Variants in GSKIP observed in about 807,000 individuals in gnomAD.
The protein encoded by GSKIP is GSK3B interacting protein.
GSKIP carries 5 observed loss-of-function variants against 11.9 expected under a neutral mutation model. The ratio of observed to expected loss-of-function variants is 0.42; its 90% CI spans 0.22 to 0.89. GSKIP has a LOEUF of 0.89. GSKIP is among the 40% of genes least tolerant of loss of function. The pLI is 0.29. For synonymous variants in GSKIP, 70 were observed against 62.9 expected (o/e 1.11, Z -0.54); for missense variants, 150 against 166.6 (o/e 0.90, Z 0.55).
rs574565886 is a variant in GSKIP at position 96,366,541 on chromosome 14, C to T, written c.-103+2973C>T. On this transcript the variant is annotated intron_variant, in intron 1 of 3. Transcript: ENST00000555181. ...TCACAGTGCCATTTTTGTGTTTTGT[C>T]AAAGACAAAGTACCTGTCACAAAAT... 3.9e-3 allele frequency among the ~76,000 whole-genome samples: 591 copies of T among 151,984 alleles called. 7 individuals carry two copies. Among genetic ancestry groups the T allele is most frequent in the African/African-American group, 0.013 (546 of 41,356 alleles).
chr14:96,369,058 T>C (rs903326902), intron 1 of GSKIP, among the ~76,000 whole-genome samples: 1 of 152,152 alleles, frequency 6.6e-6, no homozygotes, highest in African/African-American at 2.4e-5. Context: ...CAGATGGAAA[T>C]GAGGATCTTA....
chr14:96,384,047 G>A (rs1889420396), intron 3 of GSKIP, among the ~76,000 whole-genome samples: 1 of 151,936 alleles, frequency 6.6e-6, no homozygotes, highest in Non-Finnish European at 1.5e-5. Context: ...TCTATAACTT[G>A]GAGATTTAAA....
chr14:96,372,737 A>G (rs995280881), intron 1 of GSKIP, among the ~76,000 whole-genome samples: 2 of 152,206 alleles, frequency 1.3e-5, no homozygotes, highest in South Asian at 2.1e-4. Context: ...ATCCAGGTAA[A>G]GCCTGATGGT....
At chr14:96,367,902 A>G (rs1888936634) in intron 1 of GSKIP, among the ~76,000 whole-genome samples, 1 of 152,214 alleles carries the variant, frequency 6.6e-6, no homozygotes, top group Non-Finnish European at 1.5e-5. Flanking sequence ...CTAGAAACAG[A>G]ATATTGCTCA....
At chr14:96,379,444 A>G (rs1002662314) in intron 1 of GSKIP, among the ~76,000 whole-genome samples, 1 of 152,208 alleles carries the variant, frequency 6.6e-6, no homozygotes, top group Non-Finnish European at 1.5e-5. Flanking sequence ...GCCCTTGGAA[A>G]ATATGGGTGG....
At chr14:96,363,769 C>T (rs1025707251) in intron 1 of GSKIP, 3 of 152,364 alleles carry the variant, frequency 2.0e-5, no homozygotes, top group Admixed American at 1.3e-4. Context: ...GCCTGGCTCT[C>T]CCGGCTCCCC....
At chr14:96,382,649 C>A in intron 3 of GSKIP, 144 bp downstream of exon 3, 1 of 491,028 alleles carries the variant, frequency 2.0e-6, no homozygotes, top group South Asian at 5.6e-5. Flanking sequence ...AACTTTTAAC[C>A]TAGAAATTTT....
At chr14:96,366,382 T>A (rs1336122654) in intron 1 of GSKIP, among the ~76,000 whole-genome samples, 4 of 152,252 alleles carry the variant, frequency 2.6e-5, no homozygotes, top group Non-Finnish European at 1.5e-5. Flanking sequence ...CAATAACAAA[T>A]ATGCTCTATT....
intron 1 of GSKIP, 89 bp downstream of exon 1, chr14:96,363,657 G>A (rs1888765946): frequency 2.6e-5 from 4 of 152,262 alleles, no homozygotes; most frequent in Admixed American, 1.3e-4. Flanking sequence ...CAGGCCTTCC[G>A]GATGGGGACG....
Position 96,366,119 on chromosome 14 carries a change from T to C in GSKIP, c.-103+2551T>C, listed in dbSNP as rs112583925. Among the ~76,000 whole-genome samples, 749 of 152,114 alleles carry C rather than the reference T, an allele frequency of 4.9e-3. 10 individuals are homozygous for C. The highest frequency in any genetic ancestry group is 0.017 in the African/African-American group (718 of 41,544). On this transcript the variant is annotated intron_variant, in intron 1 of 3. Transcript: ENST00000555181. ...TTTGAAGATAAGACATGTTTGTAAA[T>C]AATAATTCTAATATTTGCCATAAAA...
At chr14:96,380,754 C>G (rs944739723) in intron 2 of GSKIP, among the ~76,000 whole-genome samples, 1 of 152,198 alleles carries the variant, frequency 6.6e-6, no homozygotes, top group Admixed American at 6.5e-5. Flanking sequence ...CTCAACTACT[C>G]AGGCGGCTGA....
chr14:96,363,845 C>A (rs1888777785), intron 1 of GSKIP: 1 of 152,446 alleles, frequency 6.6e-6, no homozygotes, highest in Non-Finnish European at 1.5e-5. Context: ...GGACTGGAGC[C>A]CTTCTCGAGC....
At chr14:96,371,779 C>T (rs1889056050) in intron 1 of GSKIP, among the ~76,000 whole-genome samples, 1 of 152,092 alleles carries the variant, frequency 6.6e-6, no homozygotes, top group African/African-American at 2.4e-5. Flanking sequence ...TAACAAAGAG[C>T]AATAGCATAA....
At chr14:96,384,810 C>T (rs547560514) in intron 3 of GSKIP, 1 of 151,922 alleles carries the variant, frequency 6.6e-6, no homozygotes, top group East Asian at 1.9e-4. Flanking sequence ...AAATAGTGTA[C>T]CCCTACCAAG....
chr14:96,370,690 CTG>C (rs1440999818), intron 1 of GSKIP, among the ~76,000 whole-genome samples: 1 of 152,220 alleles, frequency 6.6e-6, no homozygotes, highest in Non-Finnish European at 1.5e-5. Flanking sequence ...CCCTTTCTGA[CTG>C]TGTGATCTTC....
chr14:96,368,882 C>T (rs928538662), intron 1 of GSKIP, among the ~76,000 whole-genome samples: 16 of 152,078 alleles, frequency 1.1e-4, no homozygotes, highest in South Asian at 2.1e-4. Context: ...CTTGAAAATG[C>T]GGAAGCAGCT....
chr14:96,365,708 C>G (rs1888862065), intron 1 of GSKIP, among the ~76,000 whole-genome samples: 1 of 151,952 alleles, frequency 6.6e-6, no homozygotes, highest in South Asian at 2.1e-4. Flanking sequence ...ATGGCGTGCA[C>G]CTGTAATCCC....
rs144978677 is a variant in GSKIP, at chr14:96,369,956, A to G, written c.-103+6388A>G. ...TTGACTCCAACTCATGAGAGCAGCC[A>G]CATGAGCTGTACCCAGCAGAGTCAT... is the stretch of plus-strand genomic sequence containing the variant. On this transcript the variant is annotated intron_variant, in intron 1 of 3. Coordinates refer to ENST00000555181, the MANE Select transcript of GSKIP (RefSeq NM_016472.5). Among the ~76,000 whole-genome samples the G allele has an allele frequency of 4.7e-3, 711 of 152,318 alleles. 8 individuals are homozygous for G. Among genetic ancestry groups the G allele is most frequent in the African/African-American group, 0.017 (692 of 41,564 alleles).
intron 2 of GSKIP, chr14:96,380,265 T>C (rs1889310995): frequency 6.6e-6 from 1 of 152,218 alleles, no homozygotes; most frequent in African/African-American, 2.4e-5. Context: ...TGAAATAGGA[T>C]TGGAGGAATA....
Sources: gnomAD v4.1 joint callset for allele counts (sites outside exome capture counted in the v4.1 genomes callset) on GRCh38, gnomAD v4.1.1 for gene constraint, MANE v1.5 for transcripts, NCBI Gene and HGNC (gene_info 2026-07-23, HGNC 2026-07-21) for gene names.